The following GABRA5 variants were observed in gnomAD, a reference collection of about 807,000 sequenced individuals.
The protein encoded by GABRA5 is gamma-aminobutyric acid receptor subunit alpha-5.
In GABRA5, 18 loss-of-function variants were observed where a neutral mutation model predicts 47.3. The observed-to-expected ratio is 0.38, with a 90% CI of 0.26 to 0.56. GABRA5 has a LOEUF of 0.56. Among genes scored for constraint, GABRA5 ranks in the 20% least tolerant of loss-of-function variants. The pLI, the probability that GABRA5 is intolerant of heterozygous loss-of-function variation, is 0.71. For synonymous variants in GABRA5, 237 were observed against 229.3 expected (o/e 1.03, Z -0.30); for missense variants, 365 against 599.3 (o/e 0.61, Z 4.08).
At chr15:26,902,823 C>T (rs1183385949) in intron 6 of GABRA5, among the ~76,000 whole-genome samples, 1 of 151,918 alleles carries the variant, frequency 6.6e-6, no homozygotes, top group Non-Finnish European at 1.5e-5. Context: ...CCCCATATTC[C>T]CAATTTACTG....
chr15:26,914,287 T>C (rs1000733380), intron 6 of GABRA5, among the ~76,000 whole-genome samples: 7 of 152,208 alleles, frequency 4.6e-5, no homozygotes, highest in Non-Finnish European at 1.0e-4. Context: ...TTTGGGCGTG[T>C]AGGAAAACTC....
chr15:26,911,203 G>A (rs982190463), intron 6 of GABRA5, among the ~76,000 whole-genome samples: 8 of 152,240 alleles, frequency 5.3e-5, no homozygotes, highest in Non-Finnish European at 1.0e-4. Flanking sequence ...ATTGGGAGAA[G>A]TCACAAGGCT....
At chr15:26,877,771 A>G (rs1892633475) in intron 3 of GABRA5, 2 of 411,552 alleles carry the variant, frequency 4.9e-6, no homozygotes, top group African/African-American at 4.2e-5. Flanking sequence ...ATATGCATTC[A>G]ATATAAGGAA....
At chr15:26,882,391 G>C (rs959606301) in intron 4 of GABRA5, among the ~76,000 whole-genome samples, 2 of 152,128 alleles carry the variant, frequency 1.3e-5, no homozygotes, top group African/African-American at 4.8e-5. Flanking sequence ...ATCACACCGC[G>C]AGCTGCTGGA....
At chr15:26,901,346 G>A (rs1310643557) in intron 6 of GABRA5, among the ~76,000 whole-genome samples, 1 of 152,066 alleles carries the variant, frequency 6.6e-6, no homozygotes, top group African/African-American at 2.4e-5. Flanking sequence ...TCTGGATTTC[G>A]GCCATTTTAG....
At chr15:26,932,147 C>T (rs2140568932) in intron 7 of GABRA5, among the ~76,000 whole-genome samples, 1 of 152,236 alleles carries the variant, frequency 6.6e-6, no homozygotes, top group Admixed American at 6.5e-5. Context: ...AGAGCTTCTG[C>T]ACAGCAAAAG....
chr15:26,910,113 G>A (rs1893544124), intron 6 of GABRA5, among the ~76,000 whole-genome samples: 1 of 150,906 alleles, frequency 6.6e-6, no homozygotes. Flanking sequence ...GGACCAGATT[G>A]GTTAGGCAGT....
At chr15:26,933,646 G>C (rs1894162369) in intron 7 of GABRA5, among the ~76,000 whole-genome samples, 1 of 152,164 alleles carries the variant, frequency 6.6e-6, no homozygotes, top group Non-Finnish European at 1.5e-5. Context: ...ATTCTGCAAG[G>C]TCTTACTGTG....
intron 3 of GABRA5, among the ~76,000 whole-genome samples, chr15:26,869,754 G>T (rs1416712917): frequency 1.3e-5 from 2 of 152,174 alleles, no homozygotes; most frequent in Non-Finnish European, 2.9e-5. Context: ...TGAAAGCCAG[G>T]CCTATGCTAC....
At chr15:26,877,877 T>C (rs28637520) in intron 3 of GABRA5, among the ~76,000 whole-genome samples, 5,065 of 152,328 alleles carry the variant, frequency 0.033, 105 homozygotes, top group Non-Finnish European at 0.05. Context: ...TGTCTAAGAC[T>C]GTTGTTAGTA....
intron 7 of GABRA5, among the ~76,000 whole-genome samples, chr15:26,927,499 C>T (rs557600266): frequency 6.6e-6 from 1 of 152,088 alleles, no homozygotes; most frequent in Non-Finnish European, 1.5e-5. Flanking sequence ...CTATGAAAAA[C>T]AATAAGAATG....
chr15:26,879,485 CT>C (rs2140251069), intron 3 of GABRA5, among the ~76,000 whole-genome samples: 2 of 152,282 alleles, frequency 1.3e-5, no homozygotes, highest in South Asian at 4.1e-4. Context: ...AAGTATACAT[CT>C]GTGGGCTCCG....
At chr15:26,947,366 C>T (rs1165074277) in intron 10 of GABRA5, among the ~76,000 whole-genome samples, 1 of 152,068 alleles carries the variant, frequency 6.6e-6, no homozygotes, top group Admixed American at 6.5e-5. Context: ...CCTCCTCCCA[C>T]CTTCCACCCC....
At chr15:26,897,513 A>C (rs1024475688) in intron 6 of GABRA5, among the ~76,000 whole-genome samples, 8 of 152,172 alleles carry the variant, frequency 5.3e-5, no homozygotes, top group African/African-American at 1.9e-4. Context: ...GGTACTTTGT[A>C]ATGGCAGCCC....
intron 7 of GABRA5, among the ~76,000 whole-genome samples, chr15:26,922,029 T>C (rs142231126): frequency 8.5e-5 from 13 of 152,292 alleles, no homozygotes; most frequent in African/African-American, 2.9e-4. Context: ...TTGATATTTA[T>C]TCTGTGAACA....
chr15:26,887,055 G>A (rs1892897213), intron 6 of GABRA5, among the ~76,000 whole-genome samples: 1 of 152,110 alleles, frequency 6.6e-6, no homozygotes, highest in Non-Finnish European at 1.5e-5. Context: ...TTGGGAAGAC[G>A]CCACACTGTC....
chr15:26,868,044 G>A (rs1892364782), intron 1 of GABRA5: 2 of 151,902 alleles, frequency 1.3e-5, no homozygotes, highest in African/African-American at 4.8e-5. Flanking sequence ...GGGCGACCCA[G>A]GCTGCGGCTC....
chr15:26,883,325 C>T lies in GABRA5; in HGVS notation c.277-12C>T. ...GTGCCCTCTGACTGCCTCGTGCCTT[C>T]CTTTCCACTAGGAGTACACCATAGA... On this transcript the variant is annotated splice_polypyrimidine_tract_variant and intron_variant, in intron 5 of 10. Coordinates refer to ENST00000335625, the MANE Select transcript of GABRA5 (RefSeq NM_000810.4). The surrounding 1 kb of genome is among the most constrained non-coding windows in gnomAD (Gnocchi z 4.8). 1 of 1,613,676 alleles carries T rather than the reference C, an allele frequency of 6.2e-7. No individual in the cohort carries two copies. Among genetic ancestry groups the T allele is most frequent in the South Asian group, 1.1e-5 (1 of 91,084 alleles).
At chr15:26,933,616 C>T (rs1372887453) in intron 7 of GABRA5, among the ~76,000 whole-genome samples, 2 of 152,200 alleles carry the variant, frequency 1.3e-5, no homozygotes, top group African/African-American at 2.4e-5. Context: ...TCAGGCCAGT[C>T]ATGGCCATAA....
Sources: allele counts gnomAD v4.1 joint callset (sites outside exome capture counted in the v4.1 genomes callset), GRCh38; gene constraint gnomAD v4.1.1; non-coding constraint Gnocchi (gnomAD v3.1); transcripts MANE v1.5; gene names NCBI Gene and HGNC (gene_info 2026-07-23, HGNC 2026-07-21).